The following FANCB variants were observed in gnomAD, a reference collection of about 807,000 sequenced individuals.
FANCB encodes the protein FA complementation group B, also known as Fanconi anemia group B protein.
FANCB carries 5 observed loss-of-function variants against 38.9 expected under a neutral mutation model. That is an observed-to-expected ratio of 0.13 (90% CI 0.07 to 0.27). FANCB has a LOEUF of 0.27. Ranked by LOEUF, FANCB falls within the 10% of genes least tolerant of loss-of-function variation. FANCB has a pLI of 1.00. For synonymous variants in FANCB, 236 were observed against 215.4 expected (o/e 1.10, Z -0.84); for missense variants, 573 against 602.7 (o/e 0.95, Z 0.52).
chrX:14,806,611 T>C, the FANCB span, among the ~76,000 whole-genome samples: 1 of 111,490 alleles, frequency 9.0e-6, no homozygotes, highest in African/African-American at 3.3e-5. Flanking sequence ...TGTTAGATTT[T>C]CTACAACCTG....
chrX:14,848,408 G>A (rs946509633), intron 7 of FANCB, among the ~76,000 whole-genome samples: 3 of 111,317 alleles, frequency 2.7e-5, no homozygotes, highest in Non-Finnish European at 5.7e-5. Flanking sequence ...ATAAATGGAC[G>A]CACAGGGGGC....
chrX:14,775,159 TG>T, the FANCB span, among the ~76,000 whole-genome samples: 9 of 81,909 alleles, frequency 1.1e-4, no homozygotes, highest in East Asian at 9.9e-4. Context: ...ATTTCTCTAA[TG>T]TTTTTTTTTT....
chrX:14,828,090 T>C, the FANCB span, among the ~76,000 whole-genome samples: 4 of 112,305 alleles, frequency 3.6e-5, no homozygotes, highest in East Asian at 2.8e-4. Context: ...ATATATATAA[T>C]ACATTAATTT....
chrX:14,690,712 C>A, the FANCB span: 1 of 1,171,574 alleles, frequency 8.5e-7, no homozygotes. Flanking sequence ...TCTCTCAGGT[C>A]TCCTATGTAA....
chrX:14,734,409 G>A, the FANCB span, among the ~76,000 whole-genome samples: 2 of 111,825 alleles, frequency 1.8e-5, no homozygotes, highest in Non-Finnish European at 3.8e-5. Context: ...CTCTGGTAAG[G>A]CAGGCCTGGT....
In FANCB at chrX:14,865,003, T is replaced by G. The variant is rs138251388; in HGVS notation, c.508A>C (p.Ile170Leu). ...TTTTCAATCTCCCCTGCCCACTGAA[T>G]AGAGGAAAAGTTACCTGACACACTA... The part of the protein sequence containing the change: ...VVSVSGNFSS[I>L]QWAGEIENLG... The change falls in exon 3 of 10, where the codon ATT becomes CTT. Residue 170 changes from isoleucine to leucine, a missense_variant. Physicochemically the swap from Ile to Leu is conservative, Grantham distance 5 (BLOSUM62 2). Coordinates refer to ENST00000650831, the MANE Select transcript of FANCB (RefSeq NM_001018113.3). 3 of 1,208,941 alleles carry G rather than the reference T, an allele frequency of 2.5e-6. No homozygotes were observed. In the African/African-American group the frequency reaches 5.3e-5, roughly 21 times the overall value.
chrX:14,810,038 T>C, the FANCB span, among the ~76,000 whole-genome samples: 5 of 112,093 alleles, frequency 4.5e-5, no homozygotes, highest in Admixed American at 9.4e-5. Flanking sequence ...CCACCGCTGC[T>C]GATACCCAGG....
chrX:14,845,998 A>C (rs1225794355), intron 7 of FANCB, among the ~76,000 whole-genome samples: 1 of 111,870 alleles, frequency 8.9e-6, no homozygotes, highest in Non-Finnish European at 1.9e-5. Context: ...CAGGAATTTG[A>C]CCATATGTCT....
the FANCB span, among the ~76,000 whole-genome samples, chrX:14,765,138 T>C: frequency 8.9e-6 from 1 of 111,762 alleles, no homozygotes; most frequent in Non-Finnish European, 1.9e-5. Flanking sequence ...TTGTGTATGT[T>C]TCCCATAATT....
the FANCB span, among the ~76,000 whole-genome samples, chrX:14,810,897 T>C: frequency 1.8e-5 from 2 of 111,031 alleles, no homozygotes; most frequent in South Asian, 7.5e-4. Flanking sequence ...AAGGAAAAAA[T>C]GTTAAGGGCA....
the FANCB span, among the ~76,000 whole-genome samples, chrX:14,789,469 T>C: frequency 3.5e-3 from 389 of 111,095 alleles, 1 homozygote; most frequent in South Asian, 0.015. Context: ...ATAAAAATAA[T>C]AACAAATTAA....
chrX:14,757,370 G>A, the FANCB span, among the ~76,000 whole-genome samples: 1 of 112,019 alleles, frequency 8.9e-6, no homozygotes, highest in African/African-American at 3.3e-5. Flanking sequence ...CGGATGGACA[G>A]AGCAGTGTGT....
At chrX:14,713,011 G>A in the FANCB span, among the ~76,000 whole-genome samples, 9 of 112,116 alleles carry the variant, frequency 8.0e-5, no homozygotes, top group Admixed American at 7.5e-4. Context: ...TTAGGCAGAT[G>A]CCTAAGGAGT....
chrX:14,762,800 G>A, the FANCB span, among the ~76,000 whole-genome samples: 1 of 112,600 alleles, frequency 8.9e-6, no homozygotes, highest in Non-Finnish European at 1.9e-5. Flanking sequence ...CACAACTACT[G>A]TAATAGCAGC....
chrX:14,722,486 T>C, the FANCB span, among the ~76,000 whole-genome samples: 192 of 111,362 alleles, frequency 1.7e-3, no homozygotes, highest in Non-Finnish European at 3.1e-3. Context: ...CCAAATTCTG[T>C]TGATTAGGAG....
the FANCB span, among the ~76,000 whole-genome samples, chrX:14,693,813 C>T: frequency 1.8e-5 from 2 of 111,467 alleles, no homozygotes; most frequent in Non-Finnish European, 3.8e-5. Context: ...GGGAAATAAC[C>T]AAATACTTCT....
chrX:14,733,301 C>T, the FANCB span, among the ~76,000 whole-genome samples: 3 of 111,302 alleles, frequency 2.7e-5, no homozygotes, highest in African/African-American at 9.8e-5. Context: ...AGTCAGGTAG[C>T]ATGATGCCTC....
At chrX:14,787,755 A>G in the FANCB span, among the ~76,000 whole-genome samples, 1 of 105,333 alleles carries the variant, frequency 9.5e-6, no homozygotes, top group Non-Finnish European at 1.9e-5. Flanking sequence ...TTATGAACCT[A>G]GTATAAATAA....
the FANCB span, among the ~76,000 whole-genome samples, chrX:14,714,948 T>C: frequency 8.9e-6 from 1 of 112,316 alleles, no homozygotes; most frequent in Non-Finnish European, 1.9e-5. Flanking sequence ...AAATACTCCT[T>C]AGTCTTTTGC....
Sources: allele counts gnomAD v4.1 joint callset (sites outside exome capture counted in the v4.1 genomes callset), GRCh38; gene constraint gnomAD v4.1.1; transcripts MANE v1.5; gene names NCBI Gene and HGNC (gene_info 2026-07-23, HGNC 2026-07-21).